Variants in DCAF1 observed in about 807,000 individuals in gnomAD.
DCAF1 encodes DDB1- and CUL4-associated factor 1.
A neutral mutation model predicts 128.0 loss-of-function variants in DCAF1; 15 were observed. The observed-to-expected ratio is 0.12, with a 90% CI of 0.08 to 0.18. The LOEUF (loss-of-function observed/expected upper bound fraction) is 0.18, where lower values mean the gene tolerates loss of function less well. DCAF1 is among the 10% of genes least tolerant of loss of function. The probability of loss-of-function intolerance (pLI) is 1.00; values close to 1 mark genes in which losing one functional copy is unlikely to be tolerated. For synonymous variants in DCAF1, 610 were observed against 603.0 expected (o/e 1.01, Z -0.17); for missense variants, 988 against 1,649.5 (o/e 0.60, Z 6.95).
At position 51,441,980 on chromosome 3, in the gene DCAF1, T is replaced by A. The variant is rs1431827164; in HGVS notation, c.514-83A>T. 3 of 1,502,002 alleles carry A rather than the reference T, an allele frequency of 2.0e-6. No homozygotes were observed. In the Admixed American group the frequency reaches 6.8e-5, roughly 34 times the overall value. The allele number at this position is 1,502,002 out of a possible 1,614,324, so 93.0% of individuals were successfully genotyped here. A position where few individuals can be genotyped will look rare whatever the true frequency, so the allele number is the denominator to read the frequency against. ...CTTAATAATTCTTATTTCCACATAA[T>A]AACTGGAGACTCATGCAGTGAGCCC... On this transcript the variant is annotated intron_variant, in intron 7 of 24. Transcript: ENST00000684031.
chr3:51,457,708 T>G (rs538515353), intron 6 of DCAF1, among the ~76,000 whole-genome samples: 1 of 152,250 alleles, frequency 6.6e-6, no homozygotes, highest in South Asian at 2.1e-4. Flanking sequence ...GACTAACAGC[T>G]GATCTCTCTG....
intron 1 of DCAF1, among the ~76,000 whole-genome samples, chr3:51,498,008 C>A (rs1223736686): frequency 7.3e-6 from 1 of 137,772 alleles, no homozygotes; most frequent in Non-Finnish European, 1.5e-5. Context: ...TGAGATCGCG[C>A]CACTGCACTC....
intron 2 of DCAF1, among the ~76,000 whole-genome samples, chr3:51,495,229 C>A (rs1396612410): frequency 6.6e-6 from 1 of 152,024 alleles, no homozygotes; most frequent in Non-Finnish European, 1.5e-5. Context: ...GAGGCTGAGG[C>A]AGGAGAATCG....
In DCAF1 at chr3:51,418,159, G is replaced by A; in HGVS notation, c.3475C>T (p.Pro1159Ser). The change falls in exon 17 of 25, where the codon CCT (proline) becomes TCT (serine). Residue 1159 changes from proline to serine, a missense_variant. Transcript: ENST00000684031. ...LLLTSATWSQ[P>S]LSALWGMKSV... ...TTCATTCCCCAAAGTGCAGACAAAG[G>A]CTGGCTCCAAGTAGCAGATGTCAGC... The A allele has an allele frequency of 6.2e-7, 1 of 1,612,746 alleles. No homozygotes were observed. The highest frequency in any genetic ancestry group is 1.3e-5 in the African/African-American group (1 of 75,026).
Position 51,398,602 on chromosome 3 carries a change from G to A in DCAF1, c.*167C>T. ...TTGTGGTGGTTATTGATTCTGGAAG[G>A]ACCCTCGGGTGCCAATGAGGCTCTC... On this transcript the variant is annotated 3_prime_UTR_variant, in exon 25 of 25. Transcript: ENST00000684031. 1.2e-6 allele frequency: 1 copy of A among 821,840 alleles called. No homozygotes were observed. The highest frequency in any genetic ancestry group is 1.9e-6 in the Non-Finnish European group (1 of 534,218). 50.9% of individuals were successfully genotyped at this position (821,840 alleles called of 1,614,324 possible). A position where few individuals can be genotyped will look rare whatever the true frequency, so the allele number is the denominator to read the frequency against.
chr3:51,445,973 T>C (rs1553640136), intron 6 of DCAF1, among the ~76,000 whole-genome samples: 1 of 151,954 alleles, frequency 6.6e-6, no homozygotes, highest in African/African-American at 2.4e-5. Context: ...CCAGTGTCTT[T>C]TGCTAAACCT....
At chr3:51,407,073 T>C (rs2090169573) in intron 23 of DCAF1, among the ~76,000 whole-genome samples, 1 of 144,950 alleles carries the variant, frequency 6.9e-6, no homozygotes, top group African/African-American at 2.6e-5. Flanking sequence ...ATGCCTTTAG[T>C]CCCAGCTACT....
At chr3:51,415,393 G>A (rs987144975) in intron 18 of DCAF1, among the ~76,000 whole-genome samples, 5 of 152,150 alleles carry the variant, frequency 3.3e-5, no homozygotes, top group African/African-American at 1.2e-4. Flanking sequence ...TACTCAGGAG[G>A]CTGAGGTAAG....
At chr3:51,442,551 T>G (rs1478399437) in intron 7 of DCAF1, among the ~76,000 whole-genome samples, 1 of 151,982 alleles carries the variant, frequency 6.6e-6, no homozygotes, top group African/African-American at 2.4e-5. Context: ...TACAAAAAAT[T>G]TCCAGGGTGT....
At chr3:51,499,813 C>T (rs1432698106) in intron 1 of DCAF1, 60 bp downstream of exon 1, 2 of 151,612 alleles carry the variant, frequency 1.3e-5, no homozygotes, top group African/African-American at 2.4e-5. Flanking sequence ...CCCGGCCAGC[C>T]GCGCGACCTG....
chr3:51,412,272 A>T, intron 23 of DCAF1, 107 bp downstream of exon 23: 1 of 1,493,614 alleles, frequency 6.7e-7, no homozygotes, highest in Non-Finnish European at 9.0e-7. Context: ...GAATGTGGCA[A>T]CAGGTAGCAA....
chr3:51,478,835 T>C (rs1229681751), intron 3 of DCAF1, among the ~76,000 whole-genome samples: 1 of 152,138 alleles, frequency 6.6e-6, no homozygotes, highest in Non-Finnish European at 1.5e-5. Context: ...ATCCAGTTTC[T>C]GCCAGTCAGC....
intron 23 of DCAF1, among the ~76,000 whole-genome samples, chr3:51,405,193 T>G (rs1348641149): frequency 6.6e-6 from 1 of 152,134 alleles, no homozygotes; most frequent in African/African-American, 2.4e-5. Context: ...CAACTAAAGG[T>G]CCACGGTTGA....
At chr3:51,428,734 C>T (rs1201033419) in intron 12 of DCAF1, among the ~76,000 whole-genome samples, 1 of 152,068 alleles carries the variant, frequency 6.6e-6, no homozygotes, top group African/African-American at 2.4e-5. Flanking sequence ...TGGCTCACAC[C>T]TGTAATTCTA....
At chr3:51,399,469 A>C (rs1553624255) in intron 24 of DCAF1, among the ~76,000 whole-genome samples, 1 of 152,224 alleles carries the variant, frequency 6.6e-6, no homozygotes, top group Non-Finnish European at 1.5e-5. Flanking sequence ...CAGAGGCAGG[A>C]GGCCAGCGGG....
chr3:51,503,230 G>C (rs1471233629), upstream of DCAF1, among the ~76,000 whole-genome samples: 1 of 152,148 alleles, frequency 6.6e-6, no homozygotes, highest in African/African-American at 2.4e-5. Flanking sequence ...CAGCAGCAGA[G>C]AAAAGGTAAG....
At chr3:51,434,719 T>C (rs1700664681) in intron 9 of DCAF1, among the ~76,000 whole-genome samples, 1 of 152,250 alleles carries the variant, frequency 6.6e-6, no homozygotes, top group Non-Finnish European at 1.5e-5. Flanking sequence ...TTTTTAGAAC[T>C]AACCACGTGC....
chr3:51,409,006 C>G (rs1440134307), intron 23 of DCAF1, among the ~76,000 whole-genome samples: 2 of 152,176 alleles, frequency 1.3e-5, no homozygotes, highest in Non-Finnish European at 2.9e-5. Context: ...TCCAGAGCCA[C>G]TCCTTAGAGC....
intron 9 of DCAF1, among the ~76,000 whole-genome samples, chr3:51,437,612 G>A (rs782249183): frequency 5.9e-5 from 9 of 152,100 alleles, no homozygotes; most frequent in Non-Finnish European, 8.8e-5. Context: ...CCAGGAGTTC[G>A]AGAGTAGCTT....
Sources: gnomAD v4.1 joint callset for allele counts (sites outside exome capture counted in the v4.1 genomes callset) on GRCh38, gnomAD v4.1.1 for gene constraint, MANE v1.5 for transcripts, NCBI Gene and HGNC (gene_info 2026-07-23, HGNC 2026-07-21) for gene names.